HFM1: variants seen among roughly 807,000 people sequenced by gnomAD.
HFM1 encodes the protein probable ATP-dependent DNA helicase HFM1.
Under a neutral mutation model 192.1 loss-of-function variants are expected in HFM1, and 169 were observed. The observed-to-expected ratio is 0.88, with a 90% CI of 0.78 to 1.00. HFM1 has a LOEUF of 1.00. HFM1 is among the 50% of genes least tolerant of loss of function. The probability of loss-of-function intolerance (pLI) is 0.00; values close to 1 mark genes in which losing one functional copy is unlikely to be tolerated. For synonymous variants in HFM1, 525 were observed against 537.8 expected (o/e 0.98, Z 0.33); for missense variants, 1,661 against 1,668.0 (o/e 1.00, Z 0.07).
intron 13 of HFM1, among the ~76,000 whole-genome samples, chr1:91,362,668 T>C (rs1026774016): frequency 6.6e-6 from 1 of 152,190 alleles, no homozygotes; most frequent in African/African-American, 2.4e-5. Context: ...ACCATTGACA[T>C]TATTCACAGA....
At chr1:91,305,643 C>T (rs1649491129) in intron 30 of HFM1, among the ~76,000 whole-genome samples, 1 of 151,984 alleles carries the variant, frequency 6.6e-6, no homozygotes, top group Non-Finnish European at 1.5e-5. Context: ...TCATAGCTCA[C>T]TGTAACTTCG....
chr1:91,324,759 T>C lies in HFM1; in HGVS notation c.2343A>G (p.Gly781=). 6.4e-7 allele frequency: 1 copy of C among 1,551,810 alleles called. No homozygotes were observed. The highest frequency in any genetic ancestry group is 8.9e-7 in the Non-Finnish European group (1 of 1,124,290). ...EGVNFKPTEA[G]RLMAWYYITF... ...TAATATAATACCAAGCCATCAATCT[T>C]CCTGCTTCTGTAAGAAAAGACAGAA... The change falls in exon 21 of 39, where the codon GGA becomes GGG. Residue 781 remains glycine (G), a synonymous_variant. Transcript: ENST00000370425.
chr1:91,277,728 TAA>T (rs1491383463), intron 30 of HFM1, among the ~76,000 whole-genome samples: 3 of 122,668 alleles, frequency 2.4e-5, no homozygotes, highest in Non-Finnish European at 4.8e-5. Context: ...TAATATATAC[TAA>T]TATATATAAT....
chr1:91,393,660 C>A (rs984864266), intron 4 of HFM1, among the ~76,000 whole-genome samples: 5 of 152,116 alleles, frequency 3.3e-5, no homozygotes, highest in Admixed American at 3.3e-4. Flanking sequence ...AATAAGATAA[C>A]CTTTCAAGTG....
At chr1:91,405,917 T>C (rs1281641287), upstream of HFM1, among the ~76,000 whole-genome samples, 1 of 152,250 alleles carries the variant, frequency 6.6e-6, no homozygotes, top group Non-Finnish European at 1.5e-5. Flanking sequence ...GGAAAGTTAC[T>C]TTCCATAGAC....
At chr1:91,338,838 A>G in intron 20 of HFM1, 2 of 439,208 alleles carry the variant, frequency 4.6e-6, no homozygotes, top group Admixed American at 2.4e-5. Context: ...CCATGCTACT[A>G]TACAGCCACT....
chr1:91,286,353 C>T (rs1000482516), intron 30 of HFM1, among the ~76,000 whole-genome samples: 3 of 152,172 alleles, frequency 2.0e-5, no homozygotes, highest in Non-Finnish European at 4.4e-5. Context: ...CTGGCAGAGC[C>T]ATACTCCCTC....
Position 91,394,352 on chromosome 1 carries a change from C to T in HFM1, c.235G>A (p.Glu79Lys), listed in dbSNP as rs200426118. The change falls in exon 4 of 39, where the codon GAA (glutamate) becomes AAA (lysine). Residue 79 changes from glutamate to lysine, a missense_variant. Physicochemically the swap from Glu to Lys is moderately conservative, Grantham distance 56 (BLOSUM62 1). Transcript: ENST00000370425. Reference protein sequence around the residue: ...MLTSNLKITNEDTNYISLTQK... With the variant: ...MLTSNLKITNKDTNYISLTQK... ...GTTAGTGAAATATAATTTGTATCTTCATTAGTTATCTTTAAATTTGATGTT... is the reference window on the plus strand; with the variant it reads ...GTTAGTGAAATATAATTTGTATCTTTATTAGTTATCTTTAAATTTGATGTT... 2.9e-5 allele frequency: 45 copies of T among 1,568,902 alleles called. No individual in the cohort carries two copies. In the East Asian group the frequency reaches 9.9e-4, roughly 35 times the overall value.
At chr1:91,356,322 C>A (rs1197919286) in intron 13 of HFM1, among the ~76,000 whole-genome samples, 1 of 151,554 alleles carries the variant, frequency 6.6e-6, no homozygotes, top group East Asian at 1.9e-4. Context: ...CGGCTCACTG[C>A]AACCTATGCC....
chr1:91,284,792 T>C (rs1487395197), intron 30 of HFM1, among the ~76,000 whole-genome samples: 1 of 152,252 alleles, frequency 6.6e-6, no homozygotes. Context: ...AAAATGTTCT[T>C]CCTCAAATTA....
At chr1:91,328,368 C>A in intron 20 of HFM1, 2 of 1,563,558 alleles carry the variant, frequency 1.3e-6, no homozygotes, top group Non-Finnish European at 1.7e-6. Context: ...AGTCATCCCT[C>A]CTCTGTGTTG....
chr1:91,317,516 T>C (rs943613784), intron 25 of HFM1, among the ~76,000 whole-genome samples: 1 of 152,252 alleles, frequency 6.6e-6, no homozygotes, highest in African/African-American at 2.4e-5. Flanking sequence ...AATTCTTATA[T>C]GCTTATGAAT....
chr1:91,303,765 T>C (rs1391642184), intron 30 of HFM1, among the ~76,000 whole-genome samples: 1 of 152,238 alleles, frequency 6.6e-6, no homozygotes, highest in African/African-American at 2.4e-5. Context: ...TGACTAACAA[T>C]GTAGAGCATC....
At chr1:91,289,844 A>G (rs1203035211) in intron 30 of HFM1, among the ~76,000 whole-genome samples, 2 of 152,160 alleles carry the variant, frequency 1.3e-5, no homozygotes, top group African/African-American at 4.8e-5. Context: ...TCAGAGGGAG[A>G]CCGTGCAAAG....
intron 9 of HFM1, among the ~76,000 whole-genome samples, chr1:91,378,728 A>G (rs1346466674): frequency 2.0e-5 from 3 of 152,008 alleles, no homozygotes; most frequent in Non-Finnish European, 4.4e-5. Flanking sequence ...TCAAAGTCCA[A>G]GTTTTGTTAC....
intron 34 of HFM1, among the ~76,000 whole-genome samples, chr1:91,273,055 TA>T (rs781024991): frequency 1.3e-5 from 2 of 152,080 alleles, no homozygotes; most frequent in Non-Finnish European, 2.9e-5. Context: ...TATGCTCTAT[TA>T]ATTGCAGGAA....
Position 91,378,106 on chromosome 1 carries a change from A to C in HFM1, c.1314T>G (p.Val438=). Residue 438 remains valine, a synonymous_variant, in exon 11 of 39, where the codon GTT becomes GTG. Coordinates refer to ENST00000370425, the MANE Select transcript of HFM1 (RefSeq NM_001017975.6). ...VVSRMKTVQS[V]SQTLKNTSTA... is the part of the protein sequence containing the mutation. ...TGCTGGTATTTTTTAAAGTCTGAGA[A>C]ACAGACTGTACAGTTTTCATTCTGC... 1 of 1,609,828 alleles carries C rather than the reference A, an allele frequency of 6.2e-7. No individual in the cohort carries two copies. Among genetic ancestry groups the C allele is most frequent in the Non-Finnish European group, 8.5e-7 (1 of 1,176,788 alleles).
At position 91,317,761 on chromosome 1, in the gene HFM1, TTTTAAC is replaced by T. The variant is rs532415846; in HGVS notation, c.2813-1291_2813-1286del. On this transcript the variant is annotated intron_variant, in intron 25 of 38. Coordinates refer to ENST00000370425, the MANE Select transcript of HFM1 (RefSeq NM_001017975.6). The stretch of plus-strand genomic sequence containing the variant: ...ATTTCCCCTCAAAATGTTTATTGAC[TTTTAAC>T]TTTTTCATTTATAGCCAACATTAAA... Among the ~76,000 whole-genome samples the T allele has an allele frequency of 6.6e-3, 1,011 of 152,342 alleles. 5 individuals are homozygous for T. Among genetic ancestry groups the T allele is most frequent in the Non-Finnish European group, 9.2e-3 (626 of 68,028 alleles).
At chr1:91,335,711 A>G (rs1010219203) in intron 20 of HFM1, among the ~76,000 whole-genome samples, 1 of 152,176 alleles carries the variant, frequency 6.6e-6, no homozygotes, top group South Asian at 2.1e-4. Flanking sequence ...TTCATAAAAT[A>G]CAGTGGTAGG....
Sources: gnomAD v4.1 joint callset for allele counts (sites outside exome capture counted in the v4.1 genomes callset) on GRCh38, gnomAD v4.1.1 for gene constraint, MANE v1.5 for transcripts, NCBI Gene and HGNC (gene_info 2026-07-23, HGNC 2026-07-21) for gene names.